Variants in RALYL observed in about 807,000 individuals in gnomAD.
RALYL encodes RALY RNA binding protein like.
A neutral mutation model predicts 35.1 loss-of-function variants in RALYL; 29 were observed. The observed-to-expected ratio is 0.83, with a 90% CI of 0.61 to 1.13. RALYL has a LOEUF of 1.13. Ranked by LOEUF, RALYL falls within the 50% of genes most tolerant of loss-of-function variation. The pLI, the probability that RALYL is intolerant of heterozygous loss-of-function variation, is 0.00. For missense variants in RALYL, 359 were observed against 360.4 expected, an observed-to-expected ratio of 1.00 and a Z score of 0.03; for synonymous variants, 120 against 127.6, an observed-to-expected ratio of 0.94 and a Z score of 0.40.
chr8:84,768,855 C>A (rs947627255), intron 2 of RALYL, among the ~76,000 whole-genome samples: 3 of 152,078 alleles, frequency 2.0e-5, no homozygotes, highest in South Asian at 4.1e-4. Flanking sequence ...TTTTTAATAC[C>A]TTTGAAAGGA....
At chr8:84,372,649 C>A (rs1855950651) in intron 1 of RALYL, among the ~76,000 whole-genome samples, 1 of 151,858 alleles carries the variant, frequency 6.6e-6, no homozygotes. Flanking sequence ...CTGGGAGAAC[C>A]ACTTGAGTTG....
chr8:84,777,559 T>C (rs1424310881), intron 3 of RALYL, among the ~76,000 whole-genome samples: 1 of 152,216 alleles, frequency 6.6e-6, no homozygotes, highest in Non-Finnish European at 1.5e-5. Context: ...TAGTTCAATG[T>C]AGAGAATATG....
chr8:84,317,622 G>T (rs927005371), intron 1 of RALYL, among the ~76,000 whole-genome samples: 1 of 152,204 alleles, frequency 6.6e-6, no homozygotes, highest in Non-Finnish European at 1.5e-5. Context: ...GATTAGCTTA[G>T]TTAAGCACAT....
At chr8:84,513,390 A>G (rs141125173) in intron 1 of RALYL, among the ~76,000 whole-genome samples, 145 of 152,204 alleles carry the variant, frequency 9.5e-4, no homozygotes, top group African/African-American at 3.2e-3. Flanking sequence ...GCTATTTGTC[A>G]GATTTGGTTA....
At chr8:84,237,780 A>C (rs962846650) in intron 1 of RALYL, among the ~76,000 whole-genome samples, 6 of 152,180 alleles carry the variant, frequency 3.9e-5, no homozygotes, top group African/African-American at 1.4e-4. Context: ...AAGAAATATT[A>C]TTAAGCATTT....
chr8:84,637,098 A>G (rs900907368), intron 2 of RALYL, among the ~76,000 whole-genome samples: 1 of 151,874 alleles, frequency 6.6e-6, no homozygotes, highest in African/African-American at 2.4e-5. Context: ...ATGTTATTAT[A>G]CTATTTAGGT....
chr8:84,493,427 T>A (rs1293507010), intron 1 of RALYL, among the ~76,000 whole-genome samples: 1 of 152,194 alleles, frequency 6.6e-6, no homozygotes, highest in Non-Finnish European at 1.5e-5. Flanking sequence ...TTTGGGTATA[T>A]ACCAAGTAAT....
intron 1 of RALYL, among the ~76,000 whole-genome samples, chr8:84,520,593 A>G (rs2058386941): frequency 6.6e-6 from 1 of 152,216 alleles, no homozygotes; most frequent in Admixed American, 6.5e-5. Flanking sequence ...TCACCTGTTA[A>G]GAACAGGGCT....
chr8:84,632,788 A>G lies in RALYL; in HGVS notation c.256+103211A>G, dbSNP rs541161144. Among the ~76,000 whole-genome samples, 16 of 152,106 alleles carry G rather than the reference A, an allele frequency of 1.1e-4. No individual in the cohort carries two copies. The East Asian group carries it at 3.1e-3, about 30-fold the overall frequency. ...CAAACAACATTATTTTGAATAGGAA[A>G]TGAAGGAGAGCTTTTCCCAGAGGAA... On this transcript the variant is annotated intron_variant, in intron 2 of 8. Transcript: ENST00000521268.
intron 1 of RALYL, among the ~76,000 whole-genome samples, chr8:84,290,232 A>C (rs1585982726): frequency 2.6e-5 from 4 of 152,292 alleles, no homozygotes; most frequent in Admixed American, 1.3e-4. Flanking sequence ...ACCAAGGTCC[A>C]TATCTTCCAT....
intron 2 of RALYL, among the ~76,000 whole-genome samples, chr8:84,576,105 G>T (rs1000899643): frequency 6.6e-6 from 1 of 151,950 alleles, no homozygotes; most frequent in Admixed American, 6.6e-5. Context: ...TCACATATTT[G>T]ACCACAAAAT....
intron 1 of RALYL, among the ~76,000 whole-genome samples, chr8:84,322,597 C>T (rs1311531127): frequency 6.6e-6 from 1 of 152,082 alleles, no homozygotes; most frequent in African/African-American, 2.4e-5. Flanking sequence ...GAGACCTAAC[C>T]TTAACCAAGA....
intron 5 of RALYL, among the ~76,000 whole-genome samples, chr8:84,854,114 G>A (rs917744380): frequency 6.6e-6 from 1 of 152,242 alleles, no homozygotes; most frequent in Admixed American, 6.5e-5. Context: ...GGGAGGCCGA[G>A]GCAGACGGAT....
chr8:84,509,899 C>T (rs1255588055), intron 1 of RALYL, among the ~76,000 whole-genome samples: 1 of 152,114 alleles, frequency 6.6e-6, no homozygotes, highest in African/African-American at 2.4e-5. Flanking sequence ...TTGCCAATAC[C>T]AGTCTTTATT....
intron 1 of RALYL, among the ~76,000 whole-genome samples, chr8:84,188,318 C>T (rs1054936385): frequency 6.6e-6 from 1 of 151,872 alleles, no homozygotes; most frequent in African/African-American, 2.4e-5. Context: ...CTATGAAAAC[C>T]TGAAGTAATG....
chr8:84,430,210 A>G (rs1428278308), intron 1 of RALYL, among the ~76,000 whole-genome samples: 3 of 152,094 alleles, frequency 2.0e-5, no homozygotes, highest in Non-Finnish European at 4.4e-5. Flanking sequence ...GAGCAAATGG[A>G]AAACATAGTG....
chr8:84,572,974 G>A (rs901335915), intron 2 of RALYL, among the ~76,000 whole-genome samples: 1 of 150,822 alleles, frequency 6.6e-6, no homozygotes, highest in Admixed American at 6.6e-5. Context: ...TTTAAAATTT[G>A]CAACTTTATA....
rs878947346 is a variant in RALYL at position 84,828,733 on chromosome 8, C to T, written c.366-21247C>T. On this transcript the variant is annotated intron_variant, in intron 4 of 8. Transcript: ENST00000521268. The stretch of plus-strand genomic sequence containing the variant: ...AGTTGATAACAATTTGCCAAGCTGT[C>T]TTCCTCTGCATTCACTGCTAACAAC... The T allele has an allele frequency of 1.2e-4, 21 of 173,484 alleles. No individual in the cohort carries two copies. In the South Asian group the frequency reaches 3.4e-3, roughly 28 times the overall value. 10.7% of individuals were successfully genotyped at this position (173,484 alleles called of 1,614,324 possible).
intron 1 of RALYL, among the ~76,000 whole-genome samples, chr8:84,228,187 G>T (rs1459214754): frequency 6.7e-6 from 1 of 148,324 alleles, no homozygotes; most frequent in Non-Finnish European, 1.5e-5. Flanking sequence ...TGTGATTGTG[G>T]TAGTTAATGT....
Sources: allele counts gnomAD v4.1 joint callset (sites outside exome capture counted in the v4.1 genomes callset), GRCh38; gene constraint gnomAD v4.1.1; transcripts MANE v1.5; gene names NCBI Gene and HGNC (gene_info 2026-07-23, HGNC 2026-07-21).